MYO9A: variants seen among roughly 807,000 people sequenced by gnomAD.
MYO9A encodes the protein unconventional myosin-IXa.
Under a neutral mutation model 293.3 loss-of-function variants are expected in MYO9A, and 103 were observed. That is an observed-to-expected ratio of 0.35 (90% confidence interval 0.30 to 0.41). The LOEUF is 0.41. Ranked by LOEUF, MYO9A falls within the 10% of genes least tolerant of loss-of-function variation. The probability of loss-of-function intolerance (pLI) is 1.00; values close to 1 mark genes in which losing one functional copy is unlikely to be tolerated. For synonymous variants in MYO9A, 1,001 were observed against 1,035.7 expected, an observed-to-expected ratio of 0.97 and a Z score of 0.64; for missense variants, 2,685 against 3,033.0, an observed-to-expected ratio of 0.89 and a Z score of 2.69.
intron 11 of MYO9A, among the ~76,000 whole-genome samples, chr15:71,984,605 T>C (rs1357898417): frequency 6.6e-6 from 1 of 152,194 alleles, no homozygotes; most frequent in Non-Finnish European, 1.5e-5. Context: ...TACTATGCTC[T>C]TAGAGTATAA....
chr15:71,896,373 A>C (rs1235929930), intron 25 of MYO9A, among the ~76,000 whole-genome samples: 1 of 152,240 alleles, frequency 6.6e-6, no homozygotes, highest in Non-Finnish European at 1.5e-5. Context: ...AACCAAAAGA[A>C]TCTACCAAAT....
intron 1 of MYO9A, among the ~76,000 whole-genome samples, chr15:72,046,875 C>A (rs1006600495): frequency 6.6e-6 from 1 of 152,074 alleles, no homozygotes; most frequent in African/African-American, 2.4e-5. Flanking sequence ...TTTTATTATA[C>A]AAAAATCCAA....
At chr15:72,000,083 T>G (rs145989408) in intron 8 of MYO9A, 143 bp from the exon 9 acceptor site, 314 of 558,108 alleles carry the variant, frequency 5.6e-4, no homozygotes, top group African/African-American at 4.9e-3. Context: ...ACTGGGCAAT[T>G]TTAATACTGG....
At chr15:72,014,227 T>C (rs12101672) in intron 6 of MYO9A, among the ~76,000 whole-genome samples, 2,057 of 152,326 alleles carry the variant, frequency 0.014, 30 homozygotes, top group African/African-American at 0.023. Context: ...AGCTTGTTAA[T>C]AGTGTAGCTG....
intron 1 of MYO9A, among the ~76,000 whole-genome samples, chr15:72,101,948 A>C (rs2080358910): frequency 6.6e-6 from 1 of 151,950 alleles, no homozygotes; most frequent in African/African-American, 2.4e-5. Flanking sequence ...CTGGGAAGTG[A>C]GGAGCCCCTC....
At chr15:71,859,046 A>T (rs2055998600) in intron 34 of MYO9A, among the ~76,000 whole-genome samples, 1 of 152,168 alleles carries the variant, frequency 6.6e-6, no homozygotes, top group South Asian at 2.1e-4. Context: ...CTGGAAGCAA[A>T]TGTCTCACTC....
rs188813922 is a variant in MYO9A at position 71,883,969 on chromosome 15, A to T, written c.5256-233T>A. Among the ~76,000 whole-genome samples the T allele has an allele frequency of 7.2e-5, 11 of 152,082 alleles. No individual in the cohort carries two copies. The East Asian group carries it at 2.1e-3, about 30-fold the overall frequency. On this transcript the variant is annotated intron_variant, in intron 27 of 41. Coordinates refer to ENST00000356056, the MANE Select transcript of MYO9A (RefSeq NM_006901.4). ...TATTTCTATATTCAGATGAGGAAAC[A>T]TCTTGAATACAGAAATAACAAAACC...
chr15:71,947,669 C>T (rs948996077), intron 15 of MYO9A, among the ~76,000 whole-genome samples: 16 of 152,210 alleles, frequency 1.1e-4, no homozygotes, highest in Admixed American at 8.5e-4. Flanking sequence ...AATGACCATC[C>T]TGATACCTGA....
rs1280359910 is a variant in MYO9A, at chr15:71,898,776, C to T, written c.3727G>A (p.Gly1243Ser). ...KQQERAQSQSGVDLQEDVLVR... is the reference protein window; with the variant it reads ...KQQERAQSQSSVDLQEDVLVR... ...AGCACATCTTCCTGCAAGTCCACAC[C>T]ACTCTGGCTTTGGGCTCTCTCCTGC... Residue 1243 changes from glycine (G) to serine (S), a missense_variant, in exon 25 of 42, where the codon GGT becomes AGT. Gly to Ser is a moderately conservative substitution (Grantham distance 56). Around this residue, in one of 10 missense-constraint regions of MYO9A, gnomAD observed 1,434 missense variants for 1,497.7 expected, o/e 0.96. Coordinates refer to ENST00000356056, the MANE Select transcript of MYO9A (RefSeq NM_006901.4). 4.3e-6 allele frequency: 7 copies of T among 1,614,034 alleles called. No homozygotes were observed. The highest frequency in any genetic ancestry group is 5.9e-6 in the Non-Finnish European group (7 of 1,180,036).
intron 2 of MYO9A, among the ~76,000 whole-genome samples, chr15:72,044,187 AC>A (rs2078313036): frequency 6.6e-6 from 1 of 152,072 alleles, no homozygotes; most frequent in Admixed American, 6.6e-5. Context: ...CAGGTGGATC[AC>A]CTGAGGTTGG....
intron 32 of MYO9A, among the ~76,000 whole-genome samples, chr15:71,864,870 AATTGG>A (rs2056271410): frequency 6.6e-6 from 1 of 152,170 alleles, no homozygotes; most frequent in Non-Finnish European, 1.5e-5. Context: ...ATTTTTCTAA[AATTGG>A]ATTGAGATGA....
intron 13 of MYO9A, among the ~76,000 whole-genome samples, chr15:71,963,672 G>T (rs1313812391): frequency 6.6e-6 from 1 of 151,814 alleles, no homozygotes; most frequent in Non-Finnish European, 1.5e-5. Flanking sequence ...AGCTGGTCTC[G>T]AACTCCTGAC....
chr15:72,014,506 T>C (rs535996429), intron 6 of MYO9A, among the ~76,000 whole-genome samples: 78 of 152,116 alleles, frequency 5.1e-4, no homozygotes, highest in Middle Eastern at 3.4e-3. Flanking sequence ...GCCAACATGG[T>C]GAAAACCTAT....
chr15:72,104,416 T>C (rs1378969000), intron 1 of MYO9A, among the ~76,000 whole-genome samples: 1 of 152,164 alleles, frequency 6.6e-6, no homozygotes, highest in Admixed American at 6.6e-5. Flanking sequence ...AAAGGAAAAA[T>C]AACAACTGCA....
intron 1 of MYO9A, chr15:72,114,294 G>GGCAT (rs1375742842): frequency 1.3e-5 from 2 of 152,154 alleles, no homozygotes; most frequent in African/African-American, 4.8e-5. Context: ...TGAACAGGAG[G>GGCAT]GCATGACAAG....
chr15:72,074,136 G>A (rs771850932), intron 1 of MYO9A, among the ~76,000 whole-genome samples: 5 of 152,072 alleles, frequency 3.3e-5, no homozygotes, highest in Non-Finnish European at 7.4e-5. Flanking sequence ...GATTTGACTA[G>A]GTATTAATGT....
chr15:72,062,573 A>G (rs1179328416), intron 1 of MYO9A, among the ~76,000 whole-genome samples: 1 of 152,236 alleles, frequency 6.6e-6, no homozygotes, highest in Non-Finnish European at 1.5e-5. Flanking sequence ...AATGCATCAG[A>G]GTCTCTCAAC....
intron 18 of MYO9A, among the ~76,000 whole-genome samples, chr15:71,918,160 GC>G (rs1276394502): frequency 6.6e-6 from 1 of 152,014 alleles, no homozygotes; most frequent in Non-Finnish European, 1.5e-5. Context: ...CATCAGATTG[GC>G]CAATACAATA....
chr15:72,011,017 T>A (rs1019728997), intron 6 of MYO9A, among the ~76,000 whole-genome samples: 6 of 151,816 alleles, frequency 4.0e-5, no homozygotes, highest in Non-Finnish European at 7.4e-5. Context: ...ATATGTTATT[T>A]TTTTTTTTTA....
Sources: gnomAD v4.1 joint callset for allele counts (sites outside exome capture counted in the v4.1 genomes callset) on GRCh38, gnomAD v4.1.1 for gene constraint, gnomAD v4.1.1 regional missense constraint, MANE v1.5 for transcripts, NCBI Gene and HGNC (gene_info 2026-07-23, HGNC 2026-07-21) for gene names.